SGPL1: variants seen among roughly 807,000 people sequenced by gnomAD.
SGPL1 encodes the protein SP-lyase 1.
A neutral mutation model predicts 68.9 loss-of-function variants in SGPL1; 37 were observed. The ratio of observed to expected loss-of-function variants is 0.54; its 90% CI spans 0.41 to 0.71. The LOEUF is 0.71. Ranked by LOEUF, SGPL1 falls within the 30% of genes least tolerant of loss-of-function variation. SGPL1 has a pLI of 0.00. For synonymous variants in SGPL1, 236 were observed against 248.5 expected (o/e 0.95, Z 0.47); for missense variants, 551 against 704.6 (o/e 0.78, Z 2.47).
chr10:70,825,091 A>G (rs1286808090), intron 2 of SGPL1, among the ~76,000 whole-genome samples: 1 of 151,738 alleles, frequency 6.6e-6, no homozygotes, highest in African/African-American at 2.4e-5. Flanking sequence ...CAGCCTCCCA[A>G]GTAGCTGGGA....
intron 2 of SGPL1, among the ~76,000 whole-genome samples, chr10:70,833,152 A>G (rs1280927539): frequency 1.3e-5 from 2 of 152,126 alleles, no homozygotes; most frequent in African/African-American, 4.8e-5. Flanking sequence ...TGTGGCCAAG[A>G]TGGTTTTGTT....
chr10:70,862,222 C>G (rs965516062), intron 7 of SGPL1, among the ~76,000 whole-genome samples: 1 of 152,204 alleles, frequency 6.6e-6, no homozygotes, highest in African/African-American at 2.4e-5. Flanking sequence ...GTAAACACAC[C>G]AATCAGCACC....
At chr10:70,848,264 C>T (rs1257186974) in intron 3 of SGPL1, among the ~76,000 whole-genome samples, 1 of 152,124 alleles carries the variant, frequency 6.6e-6, no homozygotes, top group Admixed American at 6.5e-5. Context: ...GCATCTTTTG[C>T]ATGAGTGGAA....
rs189675694 is a variant in SGPL1 at position 70,818,728 on chromosome 10, C to T, written c.27+1848C>T. Among the ~76,000 whole-genome samples, 16 of 152,166 alleles carry T rather than the reference C, an allele frequency of 1.1e-4. No homozygotes were observed. The East Asian group carries it at 1.4e-3, about 13-fold the overall frequency. On this transcript the variant is annotated intron_variant, in intron 2 of 14. Coordinates refer to ENST00000373202, the MANE Select transcript of SGPL1 (RefSeq NM_003901.4). Reference sequence around the variant, plus strand: ...GACATAGATGAATACTTAGGTTATCCGCAGATCCCAATGAAAAGTTCATCT... The same window carrying T: ...GACATAGATGAATACTTAGGTTATCTGCAGATCCCAATGAAAAGTTCATCT...
intron 2 of SGPL1, among the ~76,000 whole-genome samples, chr10:70,822,560 A>G (rs1448622056): frequency 6.6e-6 from 1 of 152,250 alleles, no homozygotes; most frequent in Non-Finnish European, 1.5e-5. Flanking sequence ...GTAAATGTAC[A>G]GAACCCAATT....
intron 9 of SGPL1, among the ~76,000 whole-genome samples, chr10:70,870,422 A>C (rs760355661): frequency 2.3e-4 from 35 of 151,748 alleles, no homozygotes; most frequent in Non-Finnish European, 4.7e-4. Context: ...TGGGAGGATC[A>C]CTTGAGCCCC....
intron 7 of SGPL1, among the ~76,000 whole-genome samples, chr10:70,867,391 C>T (rs1213698274): frequency 1.3e-5 from 2 of 151,982 alleles, no homozygotes; most frequent in Non-Finnish European, 2.9e-5. Context: ...GGTGAAACCC[C>T]GTCTCTGCTA....
chr10:70,846,134 C>A (rs557606762), intron 3 of SGPL1, among the ~76,000 whole-genome samples: 39 of 152,304 alleles, frequency 2.6e-4, no homozygotes, highest in African/African-American at 8.2e-4. Context: ...GTAGCTCACT[C>A]CAGCTTTAAA....
At chr10:70,864,386 T>A (rs903363350) in intron 7 of SGPL1, among the ~76,000 whole-genome samples, 48 of 152,310 alleles carry the variant, frequency 3.2e-4, no homozygotes, top group African/African-American at 1.0e-3. Context: ...CTGTCTTTTT[T>A]AAATCTGGGT....
intron 2 of SGPL1, among the ~76,000 whole-genome samples, chr10:70,833,229 GGGAAT>G (rs1383755412): frequency 2.6e-5 from 4 of 152,152 alleles, no homozygotes; most frequent in Non-Finnish European, 5.9e-5. Flanking sequence ...TTGGTGCTTG[GGGAAT>G]GGTACCAAGT....
chr10:70,856,139 C>T lies in SGPL1; in HGVS notation c.409+1284C>T, dbSNP rs192395098. Among the ~76,000 whole-genome samples the T allele has an allele frequency of 5.7e-4, 86 of 152,168 alleles. 1 individual carries two copies. Among genetic ancestry groups the T allele is most frequent in the African/African-American group, 1.9e-3 (77 of 41,514 alleles). ...CCTCCCAAGTAGCTGAGATTACAGG[C>T]GTGCGGCACCATACCCAGCTAATTT... On this transcript the variant is annotated intron_variant, in intron 5 of 14. Coordinates refer to ENST00000373202, the MANE Select transcript of SGPL1 (RefSeq NM_003901.4).
At position 70,875,518 on chromosome 10, in the gene SGPL1, G is replaced by A; in HGVS notation, c.1415G>A (p.Trp472Ter). 2 of 1,611,904 alleles carry A rather than the reference G, an allele frequency of 1.2e-6. No individual in the cohort carries two copies. Among genetic ancestry groups the A allele is most frequent in the Non-Finnish European group, 1.7e-6 (2 of 1,178,638 alleles). ...RLSNLMTAKG[W>*]NLNQLQFPPS... ...TCAAACCTGATGACTGCTAAGGGGT[G>A]GAACTTGAACCAGTTGCAGTTCCCA... The change falls in exon 13 of 15, where the codon TGG (tryptophan) becomes TAG (stop). Residue 472 changes from tryptophan (W) to a stop codon, truncating the protein, a stop_gained. Coordinates refer to ENST00000373202, the MANE Select transcript of SGPL1 (RefSeq NM_003901.4). LOFTEE classifies it high-confidence loss of function.
At chr10:70,849,146 T>C (rs1845836948) in intron 3 of SGPL1, among the ~76,000 whole-genome samples, 1 of 152,242 alleles carries the variant, frequency 6.6e-6, no homozygotes, top group Admixed American at 6.5e-5. Context: ...GTCACATTAC[T>C]ATACTTCTGG....
chr10:70,831,738 A>G (rs942691733), intron 2 of SGPL1, among the ~76,000 whole-genome samples: 1 of 152,110 alleles, frequency 6.6e-6, no homozygotes, highest in Non-Finnish European at 1.5e-5. Context: ...CATAGGCATG[A>G]TTGACAACCA....
intron 2 of SGPL1, among the ~76,000 whole-genome samples, chr10:70,834,055 T>A (rs1044470670): frequency 6.6e-6 from 1 of 152,198 alleles, no homozygotes; most frequent in African/African-American, 2.4e-5. Flanking sequence ...TTTTCCCTGC[T>A]GCGTGAATAC....
chr10:70,868,403 C>T lies in SGPL1; in HGVS notation c.674C>T (p.Ala225Val), dbSNP rs777327598. 6.2e-7 allele frequency: 1 copy of T among 1,613,630 alleles called. No individual in the cohort carries two copies. Among genetic ancestry groups the T allele is most frequent in the Admixed American group, 1.7e-5 (1 of 59,974 alleles). Residue 225 changes from alanine (A) to valine (V), a missense_variant, in exon 8 of 15, where the codon GCC becomes GTC. By Grantham distance (64) the Ala-to-Val change is moderately conservative (BLOSUM62 0). Coordinates refer to ENST00000373202, the MANE Select transcript of SGPL1 (RefSeq NM_003901.4). ...LMACKAYRDL[A>V]FEKGIKTPEI... ...GCCTGCAAAGCATATCGGGATCTGG[C>T]CTTTGAGAAGGGGATCAAAACTCCA...
chr10:70,819,610 G>A (rs1416042670), intron 2 of SGPL1, among the ~76,000 whole-genome samples: 1 of 147,870 alleles, frequency 6.8e-6, no homozygotes, highest in Non-Finnish European at 1.5e-5. Flanking sequence ...AATAGTCTTA[G>A]AAGTCATGGG....
At chr10:70,853,235 T>C in intron 4 of SGPL1, among the ~76,000 whole-genome samples, 1 of 152,218 alleles carries the variant, frequency 6.6e-6, no homozygotes, top group South Asian at 2.1e-4. Flanking sequence ...TCTTAGACTA[T>C]TGCAGACATG....
intron 2 of SGPL1, among the ~76,000 whole-genome samples, chr10:70,835,639 G>A (rs1230582721): frequency 1.3e-5 from 2 of 151,772 alleles, no homozygotes; most frequent in South Asian, 4.2e-4. Context: ...GGGAGGCTGA[G>A]GCAGGAGAAT....
Sources: gnomAD v4.1 joint callset for allele counts (sites outside exome capture counted in the v4.1 genomes callset) on GRCh38, gnomAD v4.1.1 for gene constraint, MANE v1.5 for transcripts, NCBI Gene and HGNC (gene_info 2026-07-23, HGNC 2026-07-21) for gene names.